Variants in GPHN observed in about 807,000 individuals in gnomAD.
The protein encoded by GPHN is gephyrin.
GPHN carries 17 observed loss-of-function variants against 95.5 expected under a neutral mutation model. The ratio of observed to expected loss-of-function variants is 0.18; its 90% CI spans 0.12 to 0.27. The LOEUF is 0.27. GPHN is among the 10% of genes least tolerant of loss of function. The pLI, the probability that GPHN is intolerant of heterozygous loss-of-function variation, is 1.00. For synonymous variants in GPHN, 320 were observed against 322.5 expected (o/e 0.99, Z 0.08); for missense variants, 660 against 978.1 (o/e 0.67, Z 4.34).
chr14:66,604,194 TA>T (rs998580063), intron 1 of GPHN, among the ~76,000 whole-genome samples: 4 of 152,098 alleles, frequency 2.6e-5, no homozygotes, highest in Non-Finnish European at 4.4e-5. Context: ...TAGGCAGTAA[TA>T]TAGGTGGTAG....
At position 66,637,243 on chromosome 14, in the gene GPHN, G is replaced by A. The variant is rs140214530; in HGVS notation, c.65-43864G>A. 3.3e-3 allele frequency among the ~76,000 whole-genome samples: 499 copies of A among 152,226 alleles called. 1 individual carries two copies. The highest frequency in any genetic ancestry group is 0.012 in the African/African-American group (484 of 41,562). On this transcript the variant is annotated intron_variant, in intron 1 of 22. Coordinates refer to ENST00000478722, the MANE Select transcript of GPHN (RefSeq NM_020806.5). ...ACATGGCCATACTTAAATCTCTAAT[G>A]ATATGCCTTTGCACTTAGGATAAAA... is the stretch of plus-strand genomic sequence containing the variant.
intron 4 of GPHN, among the ~76,000 whole-genome samples, chr14:66,848,417 G>A (rs2062427593): frequency 6.6e-6 from 1 of 151,992 alleles, no homozygotes; most frequent in African/African-American, 2.4e-5. Flanking sequence ...CTCTGTCAGA[G>A]GGATAAAATA....
the GPHN span, chr14:67,600,221 G>A: frequency 6.4e-7 from 1 of 1,551,496 alleles, no homozygotes; most frequent in African/African-American, 1.4e-5. Flanking sequence ...CCACTCGGCC[G>A]CCCGCACCGC....
chr14:66,585,305 G>A lies in GPHN; in HGVS notation c.64+76714G>A, dbSNP rs191876309. Among the ~76,000 whole-genome samples the A allele has an allele frequency of 6.6e-4, 101 of 152,096 alleles. 1 individual carries two copies. In the East Asian group the frequency reaches 0.02, roughly 29 times the overall value. On this transcript the variant is annotated intron_variant, in intron 1 of 22. Coordinates refer to ENST00000478722, the MANE Select transcript of GPHN (RefSeq NM_020806.5). ...TTCTTCTTTATTAGTCTTGCTAGCG[G>A]TCTATCAATTTTGTTGATCTTTTCA...
At chr14:66,913,297 A>T (rs575805965) in intron 5 of GPHN, among the ~76,000 whole-genome samples, 2 of 151,896 alleles carry the variant, frequency 1.3e-5, no homozygotes, top group Non-Finnish European at 2.9e-5. Flanking sequence ...ATGCTTTTGC[A>T]TTATTTTTCC....
At chr14:66,948,541 C>T (rs1200697592) in intron 8 of GPHN, among the ~76,000 whole-genome samples, 3 of 152,078 alleles carry the variant, frequency 2.0e-5, no homozygotes, top group Non-Finnish European at 4.4e-5. Context: ...TATCAGCTGT[C>T]TAGTATATTA....
the GPHN span, among the ~76,000 whole-genome samples, chr14:67,483,293 G>A: frequency 2.0e-5 from 3 of 152,170 alleles, no homozygotes; most frequent in African/African-American, 7.2e-5. Context: ...TTATAGGCAC[G>A]AGTCACCACA....
At chr14:67,086,768 G>T (rs1219774938) in intron 11 of GPHN, among the ~76,000 whole-genome samples, 2 of 151,736 alleles carry the variant, frequency 1.3e-5, no homozygotes, top group African/African-American at 4.8e-5. Flanking sequence ...GGCCAGGCGC[G>T]TGGCTCACGC....
At chr14:67,530,051 G>C in the GPHN span, among the ~76,000 whole-genome samples, 1 of 152,212 alleles carries the variant, frequency 6.6e-6, no homozygotes, top group Non-Finnish European at 1.5e-5. Context: ...TACAAGGGAA[G>C]ATGAATTGTC....
intron 6 of GPHN, among the ~76,000 whole-genome samples, chr14:66,922,042 C>T (rs375513124): frequency 5.3e-5 from 8 of 152,196 alleles, no homozygotes; most frequent in African/African-American, 1.7e-4. Context: ...TCAACTCTCA[C>T]CTTATACAAA....
chr14:66,531,190 C>A (rs894402829), intron 1 of GPHN, among the ~76,000 whole-genome samples: 1 of 152,120 alleles, frequency 6.6e-6, no homozygotes, highest in Non-Finnish European at 1.5e-5. Flanking sequence ...AGGTGATCCA[C>A]CCGCCTTAGC....
the GPHN span, chr14:67,312,756 G>A: frequency 5.9e-6 from 8 of 1,347,338 alleles, no homozygotes; most frequent in Non-Finnish European, 6.8e-6. Context: ...AAAGAACATT[G>A]AAAATGCAAG....
chr14:67,249,545 T>G, the GPHN span, among the ~76,000 whole-genome samples: 1 of 152,224 alleles, frequency 6.6e-6, no homozygotes, highest in African/African-American at 2.4e-5. Flanking sequence ...AACCAACAGA[T>G]GTGAAATAAT....
At chr14:67,727,487 T>G in the GPHN span, 6 of 329,260 alleles carry the variant, frequency 1.8e-5, no homozygotes, top group African/African-American at 4.4e-5. Context: ...TTTTTTTTGT[T>G]TTTTTTTTTT....
chr14:67,037,950 G>A (rs1225814609), intron 10 of GPHN, among the ~76,000 whole-genome samples: 1 of 151,856 alleles, frequency 6.6e-6, no homozygotes, highest in African/African-American at 2.4e-5. Flanking sequence ...TCTCACTTCT[G>A]GGTATATATC....
chr14:66,560,594 G>A (rs555669062), intron 1 of GPHN, among the ~76,000 whole-genome samples: 16 of 152,180 alleles, frequency 1.1e-4, no homozygotes, highest in African/African-American at 2.2e-4. Flanking sequence ...TTGATTTTGT[G>A]TCCTGAGACT....
chr14:67,592,317 G>T, the GPHN span: 1 of 434,956 alleles, frequency 2.3e-6, no homozygotes. Context: ...GTGCACACCT[G>T]TAGTCCCAAG....
the GPHN span, among the ~76,000 whole-genome samples, chr14:67,293,517 A>C: frequency 6.6e-6 from 1 of 152,194 alleles, no homozygotes; most frequent in African/African-American, 2.4e-5. Flanking sequence ...TACTTTGTAG[A>C]TTAGCACATA....
intron 2 of GPHN, among the ~76,000 whole-genome samples, chr14:66,742,374 T>A (rs1251570315): frequency 6.6e-6 from 1 of 152,216 alleles, no homozygotes; most frequent in African/African-American, 2.4e-5. Flanking sequence ...CTTCTTTTAA[T>A]GGATAATTAT....
Sources: allele counts gnomAD v4.1 joint callset (sites outside exome capture counted in the v4.1 genomes callset), GRCh38; gene constraint gnomAD v4.1.1; transcripts MANE v1.5; gene names NCBI Gene and HGNC (gene_info 2026-07-23, HGNC 2026-07-21).